ENOX1: variants seen among roughly 807,000 people sequenced by gnomAD.
ENOX1 encodes the protein ecto-NOX disulfide-thiol exchanger 1.
Under a neutral mutation model 82.5 loss-of-function variants are expected in ENOX1, and 42 were observed. The observed-to-expected ratio is 0.51, with a 90% CI of 0.40 to 0.66. The LOEUF (loss-of-function observed/expected upper bound fraction) is 0.66. Ranked by LOEUF, ENOX1 falls within the 30% of genes least tolerant of loss-of-function variation. The pLI is 0.00. For missense variants in ENOX1, 608 were observed against 811.6 expected (o/e 0.75, Z 3.05); for synonymous variants, 271 against 282.2 (o/e 0.96, Z 0.40).
intron 5 of ENOX1, among the ~76,000 whole-genome samples, chr13:43,373,849 A>G (rs2051417892): frequency 6.6e-6 from 1 of 152,234 alleles, no homozygotes; most frequent in Non-Finnish European, 1.5e-5. Flanking sequence ...TTGCCATTTA[A>G]AACTAATTTA....
chr13:43,630,316 G>C lies in ENOX1; in HGVS notation c.-219+37163C>G, dbSNP rs1045473859. ...TTTCGCTGTTTAGTCCCTCACACTT[G>C]ATTACACCACATCTTTATTTTCTGG... On this transcript the variant is annotated intron_variant, in intron 2 of 16. Transcript: ENST00000690772. Among the ~76,000 whole-genome samples the C allele has an allele frequency of 7.9e-5, 12 of 152,124 alleles. 1 individual carries two copies. The highest frequency in any genetic ancestry group is 1.6e-4 in the Non-Finnish European group (11 of 68,024).
In ENOX1 at chr13:43,630,914, C is replaced by T. The variant is rs538749787; in HGVS notation, c.-219+36565G>A. ...ATATATACACGCATACATACGTGTG[C>T]GTATATGTGTGTGTGTGTTTGTGTG... is the stretch of plus-strand genomic sequence containing the variant. On this transcript the variant is annotated intron_variant, in intron 2 of 16. Coordinates refer to ENST00000690772, the MANE Select transcript of ENOX1 (RefSeq NM_001347969.2). Among the ~76,000 whole-genome samples, 25 of 140,446 alleles carry T rather than the reference C, an allele frequency of 1.8e-4. No individual in the cohort carries two copies. The East Asian group carries it at 2.6e-3, about 14-fold the overall frequency. 92.1% of individuals were successfully genotyped at this position (140,446 alleles called of 152,430 possible).
At chr13:43,581,225 C>T (rs1172800091) in intron 2 of ENOX1, among the ~76,000 whole-genome samples, 1 of 147,342 alleles carries the variant, frequency 6.8e-6, no homozygotes, top group Non-Finnish European at 1.5e-5. Context: ...CTCCGCCTCC[C>T]GGGTTCACGC....
intron 2 of ENOX1, among the ~76,000 whole-genome samples, chr13:43,613,494 A>G (rs903538712): frequency 6.6e-6 from 1 of 152,048 alleles, no homozygotes; most frequent in Admixed American, 6.5e-5. Context: ...AATCAAGGAC[A>G]CTAAGAGTTG....
intron 1 of ENOX1, among the ~76,000 whole-genome samples, chr13:43,748,497 T>G (rs1396720346): frequency 6.6e-6 from 1 of 152,204 alleles, no homozygotes; most frequent in Non-Finnish European, 1.5e-5. Context: ...ACAGTCTGAT[T>G]TGAGTTGTTA....
intron 1 of ENOX1, among the ~76,000 whole-genome samples, chr13:43,674,865 A>G (rs769508952): frequency 1.3e-5 from 2 of 152,192 alleles, no homozygotes; most frequent in Admixed American, 6.5e-5. Context: ...ATCTCTGTAC[A>G]TTCCACTGAA....
intron 1 of ENOX1, among the ~76,000 whole-genome samples, chr13:43,699,235 C>G (rs903280245): frequency 6.6e-6 from 1 of 152,144 alleles, no homozygotes; most frequent in African/African-American, 2.4e-5. Context: ...AGAATGCCTC[C>G]TATGGAATCA....
chr13:43,618,007 G>A (rs1269217869), intron 2 of ENOX1, among the ~76,000 whole-genome samples: 3 of 152,022 alleles, frequency 2.0e-5, no homozygotes, highest in Non-Finnish European at 4.4e-5. Flanking sequence ...ATTTTTTCAT[G>A]TTTCTTGGCC....
chr13:43,570,439 G>C (rs561746575), intron 2 of ENOX1, among the ~76,000 whole-genome samples: 51 of 152,286 alleles, frequency 3.3e-4, no homozygotes, highest in African/African-American at 1.2e-3. Context: ...AGAACATGTG[G>C]ATAGATGAAG....
intron 2 of ENOX1, among the ~76,000 whole-genome samples, chr13:43,522,075 G>A (rs2077793653): frequency 6.6e-6 from 1 of 152,140 alleles, no homozygotes. Flanking sequence ...TCTAATGTCA[G>A]AGGCTGGTGC....
chr13:43,240,515 A>G (rs1410779163), intron 14 of ENOX1, among the ~76,000 whole-genome samples: 5 of 152,116 alleles, frequency 3.3e-5, no homozygotes. Context: ...TTGCCTTTTG[A>G]TGATGACAGT....
At chr13:43,454,664 A>T (rs571783625) in intron 3 of ENOX1, among the ~76,000 whole-genome samples, 21 of 152,270 alleles carry the variant, frequency 1.4e-4, no homozygotes, top group African/African-American at 5.1e-4. Flanking sequence ...AGTTTACCTT[A>T]CTATGACCAT....
chr13:43,510,461 T>G (rs2077325593), intron 2 of ENOX1, among the ~76,000 whole-genome samples: 1 of 152,084 alleles, frequency 6.6e-6, no homozygotes, highest in South Asian at 2.1e-4. Context: ...CCTTGTAAAT[T>G]TACTGTAAAG....
Position 43,359,863 on chromosome 13 carries a change from T to G in ENOX1, c.577A>C (p.Ile193Leu). Residue 193 changes from isoleucine (I) to leucine (L), a missense_variant, in exon 7 of 17, where the codon ATT becomes CTT. Coordinates refer to ENST00000690772, the MANE Select transcript of ENOX1 (RefSeq NM_001347969.2). Reference sequence around the variant, plus strand: ...TAATGCAAAGTACCAGAAAGGTAAATGGCTTTATCAACCATGAATTCCTCT... The same window carrying G: ...TAATGCAAAGTACCAGAAAGGTAAAGGGCTTTATCAACCATGAATTCCTCT... ...FAEEFMVDKA[I>L]YLSGYRMRLG... 1 of 1,614,146 alleles carries G rather than the reference T, an allele frequency of 6.2e-7. No individual in the cohort carries two copies. Among genetic ancestry groups the G allele is most frequent in the Non-Finnish European group, 8.5e-7 (1 of 1,180,000 alleles).
intron 3 of ENOX1, among the ~76,000 whole-genome samples, chr13:43,447,346 C>G (rs993871394): frequency 1.3e-5 from 2 of 152,120 alleles, no homozygotes; most frequent in Admixed American, 1.3e-4. Flanking sequence ...ACTTTTCCAG[C>G]AGTGTGGATG....
intron 3 of ENOX1, among the ~76,000 whole-genome samples, chr13:43,434,211 G>A (rs148376356): frequency 6.6e-6 from 1 of 152,194 alleles, no homozygotes; most frequent in African/African-American, 2.4e-5. Context: ...CCTGCTCAAG[G>A]TATTAGAAAC....
chr13:43,727,773 G>T (rs1187789166), intron 1 of ENOX1, among the ~76,000 whole-genome samples: 1 of 151,954 alleles, frequency 6.6e-6, no homozygotes, highest in Admixed American at 6.6e-5. Flanking sequence ...AACTTTGAGT[G>T]GTTTTTAAAA....
chr13:43,439,667 T>G (rs1046252012), intron 3 of ENOX1, among the ~76,000 whole-genome samples: 1 of 152,144 alleles, frequency 6.6e-6, no homozygotes, highest in East Asian at 1.9e-4. Flanking sequence ...CAACTCGTTC[T>G]TTAACATTTT....
At chr13:43,633,897 C>CA (rs2083315736) in intron 2 of ENOX1, among the ~76,000 whole-genome samples, 1 of 151,784 alleles carries the variant, frequency 6.6e-6, no homozygotes, top group South Asian at 2.1e-4. Flanking sequence ...GTTTTAATTT[C>CA]AAATATACAA....
Sources: allele counts gnomAD v4.1 joint callset (sites outside exome capture counted in the v4.1 genomes callset), GRCh38; gene constraint gnomAD v4.1.1; transcripts MANE v1.5; gene names NCBI Gene and HGNC (gene_info 2026-07-23, HGNC 2026-07-21).